Variants in STPG2 observed in about 807,000 individuals in gnomAD.
STPG2 encodes the protein sperm-tail PG-rich repeat-containing protein 2.
Under a neutral mutation model 54.2 loss-of-function variants are expected in STPG2, and 56 were observed. The observed-to-expected ratio is 1.03, with a 90% CI of 0.83 to 1.29. The LOEUF is 1.29. Among genes scored for constraint, STPG2 ranks in the 50% most tolerant of loss-of-function variants. The pLI is 0.00. For missense variants in STPG2, 596 were observed against 544.9 expected (o/e 1.09, Z -0.93); for synonymous variants, 200 against 181.8 (o/e 1.10, Z -0.81).
intron 4 of STPG2, among the ~76,000 whole-genome samples, chr4:97,464,901 A>AT (rs1334896939): frequency 1.2e-4 from 18 of 152,146 alleles, no homozygotes; most frequent in Non-Finnish European, 1.5e-5. Flanking sequence ...AAAAGTCATG[A>AT]TTTTTTTCTG....
chr4:97,833,170 C>T (rs1227631783), intron 9 of STPG2, among the ~76,000 whole-genome samples: 1 of 152,120 alleles, frequency 6.6e-6, no homozygotes, highest in Non-Finnish European at 1.5e-5. Context: ...GATGTATAGA[C>T]CAATGGAACA....
intron 10 of STPG2, among the ~76,000 whole-genome samples, chr4:97,567,105 C>T (rs1347295198): frequency 2.6e-5 from 4 of 151,668 alleles, no homozygotes; most frequent in African/African-American, 9.7e-5. Context: ...CTAATCCTTA[C>T]ATAGTTTATC....
intron 4 of STPG2, among the ~76,000 whole-genome samples, chr4:97,506,696 C>T (rs1730852113): frequency 6.6e-6 from 1 of 151,532 alleles, no homozygotes; most frequent in African/African-American, 2.4e-5. Flanking sequence ...TAGAAAATGG[C>T]AAATGGACTG....
intron 7 of STPG2, among the ~76,000 whole-genome samples, chr4:97,962,799 C>G (rs1560611831): frequency 6.6e-6 from 1 of 152,192 alleles, no homozygotes; most frequent in Admixed American, 6.5e-5. Context: ...TATTCAAACA[C>G]TCTGAGTCCA....
At chr4:97,530,089 T>C (rs1731381133) in intron 4 of STPG2, among the ~76,000 whole-genome samples, 1 of 152,160 alleles carries the variant, frequency 6.6e-6, no homozygotes, top group Admixed American at 6.5e-5. Flanking sequence ...TTGTACAAAA[T>C]AAAAATTTAA....
chr4:97,723,739 A>G (rs1724531380), intron 9 of STPG2, among the ~76,000 whole-genome samples: 1 of 152,192 alleles, frequency 6.6e-6, no homozygotes, highest in East Asian at 1.9e-4. Context: ...GGAAATGTAC[A>G]GGCATGGTGG....
At chr4:98,032,228 GA>G (rs1055848099) in intron 5 of STPG2, among the ~76,000 whole-genome samples, 2 of 152,064 alleles carry the variant, frequency 1.3e-5, no homozygotes, top group African/African-American at 4.8e-5. Flanking sequence ...CTACCCAGAG[GA>G]AAAGAAGTCA....
At chr4:97,831,449 C>T (rs1249894516) in intron 9 of STPG2, among the ~76,000 whole-genome samples, 1 of 151,902 alleles carries the variant, frequency 6.6e-6, no homozygotes, top group Non-Finnish European at 1.5e-5. Flanking sequence ...ACCCTAACCT[C>T]AAAATTAAAA....
chr4:98,099,106 T>TG (rs1414521428), intron 5 of STPG2, among the ~76,000 whole-genome samples: 2 of 151,914 alleles, frequency 1.3e-5, no homozygotes, highest in African/African-American at 4.8e-5. Flanking sequence ...GCAACCCCAC[T>TG]GCTAGGCATA....
intron 8 of STPG2, among the ~76,000 whole-genome samples, chr4:97,900,930 GT>G (rs1297446973): frequency 6.6e-6 from 1 of 151,710 alleles, no homozygotes. Flanking sequence ...GAAAATAAAA[GT>G]TTTTTTAAAA....
At chr4:98,079,473 C>A (rs575548758) in intron 5 of STPG2, among the ~76,000 whole-genome samples, 1 of 152,232 alleles carries the variant, frequency 6.6e-6, no homozygotes, top group African/African-American at 2.4e-5. Flanking sequence ...TGACTGATAA[C>A]CTAAACAGTT....
intron 8 of STPG2, among the ~76,000 whole-genome samples, chr4:97,881,323 T>C (rs1002618330): frequency 6.6e-6 from 1 of 152,142 alleles, no homozygotes; most frequent in African/African-American, 2.4e-5. Context: ...AATTTTCTCA[T>C]CTCTAAAAGG....
At chr4:97,546,358 A>T (rs901391246) in intron 4 of STPG2, among the ~76,000 whole-genome samples, 14 of 152,042 alleles carry the variant, frequency 9.2e-5, no homozygotes, top group African/African-American at 3.1e-4. Flanking sequence ...ATTACAGATA[A>T]AGAGTATATT....
At chr4:97,938,455 A>AGGG (rs374685227) in intron 8 of STPG2, among the ~76,000 whole-genome samples, 5 of 151,678 alleles carry the variant, frequency 3.3e-5, no homozygotes, top group Non-Finnish European at 7.4e-5. Context: ...CACAGTGACT[A>AGGG]AGTCAGAAGG....
At chr4:97,515,114 G>C (rs1459074628) in intron 4 of STPG2, among the ~76,000 whole-genome samples, 1 of 152,070 alleles carries the variant, frequency 6.6e-6, no homozygotes, top group Non-Finnish European at 1.5e-5. Context: ...TTATAATTAA[G>C]TGAACTACAA....
intron 5 of STPG2, among the ~76,000 whole-genome samples, chr4:98,015,972 T>C (rs9992360): frequency 0.39 from 59,884 of 151,744 alleles, 12,043 homozygotes; most frequent in Middle Eastern, 0.46. Context: ...AAACCAAACA[T>C]CGCATGTTTT....
intron 5 of STPG2, among the ~76,000 whole-genome samples, chr4:97,993,454 G>T (rs1042478108): frequency 6.6e-6 from 1 of 151,882 alleles, no homozygotes; most frequent in Non-Finnish European, 1.5e-5. Context: ...ATTATCTTTT[G>T]TATATGCTGT....
At chr4:97,850,650 A>T (rs1729129909) in intron 8 of STPG2, among the ~76,000 whole-genome samples, 1 of 151,770 alleles carries the variant, frequency 6.6e-6, no homozygotes, top group Admixed American at 6.6e-5. Flanking sequence ...AAGAAGAGAA[A>T]GGGTAAAAAC....
chr4:97,637,073 C>T (rs1303521926), intron 10 of STPG2, among the ~76,000 whole-genome samples: 1 of 152,190 alleles, frequency 6.6e-6, no homozygotes, highest in African/African-American at 2.4e-5. Flanking sequence ...CCTTGATGAA[C>T]ATTGATGCAA....
Sources: gnomAD v4.1 joint callset for allele counts (sites outside exome capture counted in the v4.1 genomes callset) on GRCh38, gnomAD v4.1.1 for gene constraint, MANE v1.5 for transcripts, NCBI Gene and HGNC (gene_info 2026-07-23, HGNC 2026-07-21) for gene names.